Variants in SNCAIP observed in about 807,000 individuals in gnomAD.
The protein encoded by SNCAIP is synphilin-1.
Under a neutral mutation model 86.7 loss-of-function variants are expected in SNCAIP, and 43 were observed. The observed-to-expected ratio is 0.50, with a 90% CI of 0.39 to 0.64. SNCAIP has a LOEUF of 0.64. SNCAIP is among the 30% of genes least tolerant of loss of function. The pLI is 0.00. For missense variants in SNCAIP, 981 were observed against 1,103.1 expected, an observed-to-expected ratio of 0.89 and a Z score of 1.57; for synonymous variants, 417 against 427.2, an observed-to-expected ratio of 0.98 and a Z score of 0.29.
chr5:122,320,602 G>A (rs539611277), intron 1 of SNCAIP, among the ~76,000 whole-genome samples: 2 of 152,280 alleles, frequency 1.3e-5, no homozygotes, highest in Admixed American at 1.3e-4. Flanking sequence ...AACATTGTAT[G>A]TTTCTCCAGC....
At chr5:122,387,430 G>A (rs1168418986) in intron 1 of SNCAIP, among the ~76,000 whole-genome samples, 3 of 152,288 alleles carry the variant, frequency 2.0e-5, no homozygotes, top group East Asian at 3.9e-4. Context: ...GGGATTACAG[G>A]TGTGAGTCAC....
rs887014710 is a variant in SNCAIP, at chr5:122,383,185, T to G, written c.-46-7904T>G. On this transcript the variant is annotated intron_variant, in intron 1 of 10. Coordinates refer to ENST00000261368, the MANE Select transcript of SNCAIP (RefSeq NM_005460.4). ...TGATCTCAGACTGCTGTGCTAGCAA[T>G]CAGCGAGACTCCGTGGGCGTAGGAC... Among the ~76,000 whole-genome samples the G allele has an allele frequency of 5.2e-3, 790 of 152,300 alleles. 14 individuals carry two copies. The highest frequency in any genetic ancestry group is 0.018 in the African/African-American group (764 of 41,556).
At chr5:122,426,821 G>A (rs1246566971) in intron 5 of SNCAIP, among the ~76,000 whole-genome samples, 1 of 152,018 alleles carries the variant, frequency 6.6e-6, no homozygotes, top group Non-Finnish European at 1.5e-5. Flanking sequence ...ATGTAAAGTC[G>A]AGATTTAATA....
Position 122,343,365 on chromosome 5 carries a change from T to A in SNCAIP, c.-47+31081T>A, listed in dbSNP as rs184492502. On this transcript the variant is annotated intron_variant, in intron 1 of 10. Transcript: ENST00000261368. Reference sequence around the variant, plus strand: ...GTAACAACACATCATTTGAGTTGGATCTCATTTTGAAAATTTTAATAATTA... The same window carrying A: ...GTAACAACACATCATTTGAGTTGGAACTCATTTTGAAAATTTTAATAATTA... Among the ~76,000 whole-genome samples, 924 of 152,340 alleles carry A rather than the reference T, an allele frequency of 6.1e-3. 7 individuals carry two copies. The highest frequency in any genetic ancestry group is 8.3e-3 in the Non-Finnish European group (566 of 68,036).
chr5:122,441,162 T>C (rs1171153974), intron 7 of SNCAIP: 5 of 205,786 alleles, frequency 2.4e-5, no homozygotes, highest in East Asian at 1.2e-4. Context: ...AAGAATAAGA[T>C]AGATTTTTCA....
chr5:122,344,232 G>T (rs773472866), intron 1 of SNCAIP, among the ~76,000 whole-genome samples: 26 of 152,146 alleles, frequency 1.7e-4, no homozygotes, highest in Non-Finnish European at 3.5e-4. Context: ...CACATAATTT[G>T]AATCCATGAG....
intron 1 of SNCAIP, among the ~76,000 whole-genome samples, chr5:122,365,911 C>T (rs991682373): frequency 7.2e-5 from 11 of 151,962 alleles, no homozygotes; most frequent in East Asian, 1.9e-4. Context: ...GAATTTTTCA[C>T]GGAGGAAGAG....
chr5:122,345,036 G>T (rs1758315087), intron 1 of SNCAIP, among the ~76,000 whole-genome samples: 2 of 152,204 alleles, frequency 1.3e-5, no homozygotes, highest in Non-Finnish European at 2.9e-5. Flanking sequence ...TTCTGGTCTT[G>T]AAAAATTAAG....
At chr5:122,397,957 G>T (rs898090840) in intron 2 of SNCAIP, among the ~76,000 whole-genome samples, 1 of 152,122 alleles carries the variant, frequency 6.6e-6, no homozygotes, top group Admixed American at 6.5e-5. Flanking sequence ...TTATAAAGAC[G>T]AGAGTTGAAA....
chr5:122,451,704 G>GAAAA, intron 10 of SNCAIP, 103 bp downstream of exon 10: 2 of 698,550 alleles, frequency 2.9e-6, no homozygotes, highest in East Asian at 3.3e-5. Flanking sequence ...GAATCCCCAG[G>GAAAA]AAAAAAAAAA....
chr5:122,379,918 G>T (rs1766298428), intron 1 of SNCAIP, among the ~76,000 whole-genome samples: 1 of 152,140 alleles, frequency 6.6e-6, no homozygotes, highest in South Asian at 2.1e-4. Flanking sequence ...TAAGCTTTTT[G>T]ATGTGTTGCT....
chr5:122,383,447 C>T (rs1239252301), intron 1 of SNCAIP: 2 of 152,716 alleles, frequency 1.3e-5, no homozygotes, highest in Non-Finnish European at 2.9e-5. Flanking sequence ...GTCTGGCACT[C>T]CCTAGTGAGA....
chr5:122,375,329 AT>A (rs1475227240), intron 1 of SNCAIP, among the ~76,000 whole-genome samples: 24 of 152,256 alleles, frequency 1.6e-4, no homozygotes, highest in African/African-American at 5.5e-4. Flanking sequence ...CTAATTAAAA[AT>A]ATATGGCTGG....
chr5:122,332,242 T>C (rs2152699754), intron 1 of SNCAIP, among the ~76,000 whole-genome samples: 1 of 152,354 alleles, frequency 6.6e-6, no homozygotes, highest in African/African-American at 2.4e-5. Flanking sequence ...GTATCTTGCG[T>C]TTTCCCACTT....
In SNCAIP at chr5:122,449,832, T is replaced by G. The variant is rs750347876; in HGVS notation, c.1593-13T>G. On this transcript the variant is annotated splice_polypyrimidine_tract_variant and intron_variant, in intron 8 of 10. Coordinates refer to ENST00000261368, the MANE Select transcript of SNCAIP (RefSeq NM_005460.4). ...GTATCAGAGTCCTCATGTGTTTTGG[T>G]TGTTTTCCCCAGACAAACAGTAGAA... is the stretch of plus-strand genomic sequence containing the variant. The G allele has an allele frequency of 6.2e-7, 1 of 1,601,386 alleles. No homozygotes were observed. The highest frequency in any genetic ancestry group is 1.3e-5 in the African/African-American group (1 of 74,704).
intron 10 of SNCAIP, among the ~76,000 whole-genome samples, chr5:122,458,826 T>A (rs1203725205): frequency 6.6e-6 from 1 of 152,196 alleles, no homozygotes; most frequent in African/African-American, 2.4e-5. Context: ...TGGCAAGCTC[T>A]GTGAAAAAGG....
intron 1 of SNCAIP, among the ~76,000 whole-genome samples, chr5:122,356,684 A>G (rs909359336): frequency 1.3e-5 from 2 of 152,122 alleles, no homozygotes; most frequent in Non-Finnish European, 2.9e-5. Flanking sequence ...AAGCTCTACA[A>G]CTAACCTTGG....
intron 1 of SNCAIP, chr5:122,371,757 T>C (rs926043135): frequency 6.6e-6 from 1 of 152,192 alleles, no homozygotes; most frequent in African/African-American, 2.4e-5. Context: ...TGCTTTACTC[T>C]CTGGACTTCT....
At chr5:122,406,983 C>T (rs757739765) in intron 3 of SNCAIP, among the ~76,000 whole-genome samples, 1 of 152,068 alleles carries the variant, frequency 6.6e-6, no homozygotes, top group African/African-American at 2.4e-5. Flanking sequence ...ATATCTTTGA[C>T]CAGATGTTCT....
Sources: allele counts gnomAD v4.1 joint callset (sites outside exome capture counted in the v4.1 genomes callset), GRCh38; gene constraint gnomAD v4.1.1; transcripts MANE v1.5; gene names NCBI Gene and HGNC (gene_info 2026-07-23, HGNC 2026-07-21).